Variants in RNF130 observed in about 807,000 individuals in gnomAD.
The protein encoded by RNF130 is E3 ubiquitin-protein ligase RNF130.
Under a neutral mutation model 44.6 loss-of-function variants are expected in RNF130, and 21 were observed. The ratio of observed to expected loss-of-function variants is 0.47; its 90% CI spans 0.33 to 0.68. The LOEUF (loss-of-function observed/expected upper bound fraction) is 0.68, where lower values mean the gene tolerates loss of function less well. Among genes scored for constraint, RNF130 ranks in the 30% least tolerant of loss-of-function variants. The pLI is 0.02. For missense variants in RNF130, 479 were observed against 560.6 expected, an observed-to-expected ratio of 0.85 and a Z score of 1.47; for synonymous variants, 214 against 210.4, an observed-to-expected ratio of 1.02 and a Z score of -0.15.
rs77065082 is a variant in RNF130, at chr5:179,989,765, T to C, written c.694-9565A>G. On this transcript the variant is annotated intron_variant, in intron 3 of 8. Transcript: ENST00000521389. ...TATGACATCTTGTTACTGAAATATA[T>C]TGTTATCTAGCTGTTTTGTAAATTC... Among the ~76,000 whole-genome samples, 1,102 of 152,328 alleles carry C rather than the reference T, an allele frequency of 7.2e-3. 6 individuals are homozygous for C. The highest frequency in any genetic ancestry group is 0.012 in the Non-Finnish European group (836 of 68,016).
rs148351282 is a variant in RNF130, at chr5:179,929,466, G to C, written c.1151-9040C>G. Among the ~76,000 whole-genome samples the C allele has an allele frequency of 1.3e-4, 20 of 152,288 alleles. 1 individual carries two copies. In the East Asian group the frequency reaches 3.7e-3, roughly 28 times the overall value. ...CATTTCCACGTAAATTCTAGGATCA[G>C]GCTGGGCGTGGTGGCTCACACCTGT... On this transcript the variant is annotated intron_variant, in intron 7 of 7. Coordinates refer to the RNF130 transcript ENST00000522208.
At chr5:179,999,560 A>G (rs564069737) in intron 3 of RNF130, among the ~76,000 whole-genome samples, 5 of 152,086 alleles carry the variant, frequency 3.3e-5, no homozygotes, top group African/African-American at 9.6e-5. Flanking sequence ...TGTCTCTACT[A>G]AAAATACAAA....
chr5:180,000,297 T>A (rs1413665838), intron 3 of RNF130, among the ~76,000 whole-genome samples: 1 of 152,242 alleles, frequency 6.6e-6, no homozygotes, highest in Middle Eastern at 3.2e-3. Context: ...GATTCTCTTA[T>A]GTGACTTGAT....
intron 3 of RNF130, 168 bp from the exon 4 acceptor site, chr5:179,980,368 A>G (rs906638689): frequency 3.4e-6 from 2 of 593,798 alleles, no homozygotes; most frequent in Non-Finnish European, 5.8e-6. Flanking sequence ...ATCAAGATTC[A>G]GCATTCTGGT....
rs571798633 is a variant in RNF130 at position 180,034,941 on chromosome 5, T to C, written c.442+5512A>G. Among the ~76,000 whole-genome samples the C allele has an allele frequency of 1.5e-3, 226 of 152,354 alleles. 1 individual carries two copies. The highest frequency in any genetic ancestry group is 6.8e-3 in the Middle Eastern group (2 of 294). On this transcript the variant is annotated intron_variant, in intron 2 of 8. Transcript: ENST00000521389. The stretch of plus-strand genomic sequence containing the variant: ...GTTGTGATTTTGGTAAACTGTCTTC[T>C]TTTTTATTGTTGGTCAGTCTATCTA...
rs147752621 is a variant in RNF130, at chr5:180,058,528, A to G, written c.247+12928T>C. 3.2e-4 allele frequency among the ~76,000 whole-genome samples: 48 copies of G among 152,228 alleles called. 1 individual carries two copies. The East Asian group carries it at 8.9e-3, about 28-fold the overall frequency. On this transcript the variant is annotated intron_variant, in intron 1 of 8. Coordinates refer to ENST00000521389, the MANE Select transcript of RNF130 (RefSeq NM_018434.6). ...TCGCAGGGGCTGCGGCAGAGGGGGTAATGGAGTCTTGTCATTTAATGGGTA... is the reference window on the plus strand; with the variant it reads ...TCGCAGGGGCTGCGGCAGAGGGGGTGATGGAGTCTTGTCATTTAATGGGTA...
chr5:179,934,058 T>C (rs1035360519), intron 7 of RNF130: 1 of 266,874 alleles, frequency 3.7e-6, no homozygotes, highest in African/African-American at 2.3e-5. Context: ...GATTTGCCAG[T>C]GGAATCATGC....
intron 7 of RNF130, among the ~76,000 whole-genome samples, chr5:179,931,156 C>A (rs1312614025): frequency 6.6e-6 from 1 of 151,860 alleles, no homozygotes; most frequent in Non-Finnish European, 1.5e-5. Flanking sequence ...ATGACGTCCA[C>A]GCAAAGCTGG....
At chr5:180,059,106 C>T (rs1284881030) in intron 1 of RNF130, among the ~76,000 whole-genome samples, 1 of 152,152 alleles carries the variant, frequency 6.6e-6, no homozygotes, top group African/African-American at 2.4e-5. Context: ...TACTGTGCCC[C>T]ACTCTCCCCC....
chr5:179,927,488 C>T (rs977811234), intron 7 of RNF130, among the ~76,000 whole-genome samples: 3 of 152,116 alleles, frequency 2.0e-5, no homozygotes, highest in African/African-American at 7.2e-5. Flanking sequence ...ACTACCAGCG[C>T]CCTACAAGTC....
chr5:180,044,012 G>A (rs1021119321), intron 1 of RNF130, among the ~76,000 whole-genome samples: 1 of 152,018 alleles, frequency 6.6e-6, no homozygotes, highest in Non-Finnish European at 1.5e-5. Flanking sequence ...TGAAAACAAC[G>A]GTTCTATAAC....
chr5:179,927,620 A>C (rs1405909815), intron 7 of RNF130, among the ~76,000 whole-genome samples: 3 of 127,098 alleles, frequency 2.4e-5, no homozygotes, highest in Admixed American at 9.8e-5. Flanking sequence ...ATGGAGTCTC[A>C]CTCTGTCGCC....
At chr5:179,998,859 T>TATATATAAA (rs1554103680) in intron 3 of RNF130, among the ~76,000 whole-genome samples, 1 of 88,750 alleles carries the variant, frequency 1.1e-5, no homozygotes, top group African/African-American at 4.2e-5. Context: ...CTAGTATTTT[T>TATATATAAA]TATATATATA....
intron 3 of RNF130, among the ~76,000 whole-genome samples, chr5:179,996,230 T>C (rs767033432): frequency 4.6e-5 from 7 of 152,254 alleles, no homozygotes; most frequent in Non-Finnish European, 1.0e-4. Context: ...GTAAATAAGA[T>C]GGACTTCTTG....
At position 180,069,533 on chromosome 5, in the gene RNF130, A is replaced by G. The variant is rs114825761; in HGVS notation, c.247+1923T>C. ...CTGACTTCACACCCAGTCTTCACAC[A>G]CTGCCCAAATGTGTTCATTTTGTTG... is the stretch of plus-strand genomic sequence containing the variant. On this transcript the variant is annotated intron_variant, in intron 1 of 8. Transcript: ENST00000521389. Among the ~76,000 whole-genome samples the G allele has an allele frequency of 2.9e-3, 434 of 152,274 alleles. 1 individual carries two copies. Among genetic ancestry groups the G allele is most frequent in the African/African-American group, 7.1e-3 (296 of 41,548 alleles).
intron 1 of RNF130, among the ~76,000 whole-genome samples, chr5:180,046,429 T>C (rs1286264497): frequency 6.6e-6 from 1 of 152,054 alleles, no homozygotes; most frequent in Non-Finnish European, 1.5e-5. Flanking sequence ...TTTGATTCAT[T>C]TGATTTAGTA....
At chr5:179,946,062 T>C (rs777812125) in intron 7 of RNF130, among the ~76,000 whole-genome samples, 25 of 152,260 alleles carry the variant, frequency 1.6e-4, no homozygotes, top group Non-Finnish European at 2.9e-4. Flanking sequence ...AGCGTTTCGC[T>C]GTCCTCCAAG....
At chr5:179,920,103 T>G in exon 8 of RNF130, 2 of 470,312 alleles carry the variant, frequency 4.3e-6, no homozygotes, top group South Asian at 8.0e-5. Context: ...CTTGGGCGGG[T>G]TTTCAATACC....
At chr5:180,022,663 T>C (rs1650515516) in intron 2 of RNF130, among the ~76,000 whole-genome samples, 1 of 152,184 alleles carries the variant, frequency 6.6e-6, no homozygotes, top group African/African-American at 2.4e-5. Flanking sequence ...ATTCTCCTTC[T>C]CCATTTGAAC....
Sources: allele counts gnomAD v4.1 joint callset (sites outside exome capture counted in the v4.1 genomes callset), GRCh38; gene constraint gnomAD v4.1.1; transcripts MANE v1.5; gene names NCBI Gene and HGNC (gene_info 2026-07-23, HGNC 2026-07-21).